Variants in TOX observed in about 807,000 individuals in gnomAD.
TOX encodes the protein thymocyte selection associated high mobility group box, also known as thymocyte selection-associated high mobility group box protein TOX.
A neutral mutation model predicts 53.7 loss-of-function variants in TOX; 11 were observed. The observed-to-expected ratio is 0.20, with a 90% CI of 0.13 to 0.34. The LOEUF is 0.34. Ranked by LOEUF, TOX falls within the 10% of genes least tolerant of loss-of-function variation. The probability of loss-of-function intolerance (pLI) is 1.00; values close to 1 mark genes in which losing one functional copy is unlikely to be tolerated. For missense variants in TOX, 570 were observed against 664.6 expected, an observed-to-expected ratio of 0.86 and a Z score of 1.56; for synonymous variants, 225 against 245.3, an observed-to-expected ratio of 0.92 and a Z score of 0.77.
chr8:58,995,853 A>G (rs759012658), intron 1 of TOX, among the ~76,000 whole-genome samples: 6 of 152,190 alleles, frequency 3.9e-5, no homozygotes, highest in Non-Finnish European at 8.8e-5. Context: ...ACTTTGTGCC[A>G]TTTCAAAACT....
chr8:59,019,211 G>A (rs1269247168), intron 1 of TOX, among the ~76,000 whole-genome samples: 6 of 152,128 alleles, frequency 3.9e-5, no homozygotes, highest in Admixed American at 3.3e-4. Flanking sequence ...CTAAAATTGA[G>A]GGATAATTAC....
intron 2 of TOX, among the ~76,000 whole-genome samples, chr8:58,955,621 C>T (rs961303529): frequency 2.0e-5 from 3 of 151,948 alleles, no homozygotes; most frequent in African/African-American, 4.8e-5. Context: ...CCTTCTTTAT[C>T]TTTTCATACA....
At chr8:58,991,172 A>G (rs916622887) in intron 1 of TOX, among the ~76,000 whole-genome samples, 9 of 152,332 alleles carry the variant, frequency 5.9e-5, no homozygotes, top group African/African-American at 2.2e-4. Flanking sequence ...TGGGTAAACA[A>G]CCAGAAAAAT....
intron 3 of TOX, among the ~76,000 whole-genome samples, chr8:58,896,348 G>A (rs1430098201): frequency 6.6e-6 from 1 of 152,086 alleles, no homozygotes; most frequent in Non-Finnish European, 1.5e-5. Context: ...CATTCCTTGA[G>A]CTGGCCATCA....
chr8:58,919,000 G>T (rs1812026979), intron 3 of TOX, among the ~76,000 whole-genome samples: 1 of 147,214 alleles, frequency 6.8e-6, no homozygotes, highest in Admixed American at 6.7e-5. Context: ...ACTTACAAGG[G>T]ATGTGAAGGA....
chr8:58,822,226 A>C (rs1365855622), intron 6 of TOX, among the ~76,000 whole-genome samples: 1 of 152,240 alleles, frequency 6.6e-6, no homozygotes, highest in Non-Finnish European at 1.5e-5. Flanking sequence ...ATGAATAATC[A>C]CCACCCTATG....
intron 1 of TOX, among the ~76,000 whole-genome samples, chr8:58,982,877 A>G (rs1813229986): frequency 1.3e-5 from 2 of 152,298 alleles, no homozygotes; most frequent in South Asian, 4.1e-4. Flanking sequence ...GCTTTCTGAC[A>G]TCTGCTGTCT....
At chr8:59,068,465 G>A (rs1321926074) in intron 1 of TOX, among the ~76,000 whole-genome samples, 5 of 147,508 alleles carry the variant, frequency 3.4e-5, no homozygotes, top group African/African-American at 5.0e-5. Context: ...AGAAAGAAGA[G>A]AAAAAGGAAA....
At chr8:58,952,097 T>A (rs1812631350) in intron 2 of TOX, among the ~76,000 whole-genome samples, 1 of 152,158 alleles carries the variant, frequency 6.6e-6, no homozygotes, top group Non-Finnish European at 1.5e-5. Context: ...GGCACTTTTT[T>A]AAAGGTGTTT....
In TOX at chr8:59,118,781, G is replaced by C; in HGVS notation, c.102+105C>G. On this transcript the variant is annotated intron_variant, in intron 1 of 8. Transcript: ENST00000361421. This position sits in a 1 kb window ranked among gnomAD's most constrained non-coding sequence, Gnocchi z 4.1. Reference sequence around the variant, plus strand: ...AGCGGGCTGCGAGCCGAGCGCGCCCGGGACCGGCCTCCGCCAAGCCGGCCC... The same window carrying C: ...AGCGGGCTGCGAGCCGAGCGCGCCCCGGACCGGCCTCCGCCAAGCCGGCCC... 1 of 731,714 alleles carries C rather than the reference G, an allele frequency of 1.4e-6. No individual in the cohort carries two copies. Among genetic ancestry groups the C allele is most frequent in the South Asian group, 2.4e-5 (1 of 41,182 alleles). 45.3% of individuals were successfully genotyped at this position (731,714 alleles called of 1,614,324 possible).
chr8:59,106,881 TA>T (rs980717308), intron 1 of TOX, among the ~76,000 whole-genome samples: 3 of 152,130 alleles, frequency 2.0e-5, no homozygotes, highest in African/African-American at 7.2e-5. Context: ...GGCCTTTCAT[TA>T]AAAATGAAAA....
chr8:59,020,841 A>G (rs1286130843), intron 1 of TOX, among the ~76,000 whole-genome samples: 9 of 152,208 alleles, frequency 5.9e-5, no homozygotes, highest in Admixed American at 3.9e-4. Flanking sequence ...TTGTATCTAT[A>G]GAATATAGTT....
chr8:58,884,090 G>C (rs941778915), intron 3 of TOX, among the ~76,000 whole-genome samples: 4 of 152,100 alleles, frequency 2.6e-5, no homozygotes, highest in African/African-American at 9.7e-5. Context: ...CAAGCAGAAA[G>C]AAAGAAAACA....
At chr8:58,960,128 C>A in intron 1 of TOX, 120 bp from the exon 2 acceptor site, 2 of 1,040,778 alleles carry the variant, frequency 1.9e-6, no homozygotes, top group South Asian at 2.8e-5. Flanking sequence ...AAAAATACTG[C>A]GGCTGGGACT....
chr8:58,940,128 G>A (rs17233116), intron 2 of TOX, among the ~76,000 whole-genome samples: 6 of 152,042 alleles, frequency 3.9e-5, no homozygotes, highest in Admixed American at 2.0e-4. Context: ...TATTTTTATC[G>A]CAAAGATCTT....
At chr8:58,923,898 C>A (rs921548984) in intron 3 of TOX, among the ~76,000 whole-genome samples, 2 of 152,120 alleles carry the variant, frequency 1.3e-5, no homozygotes, top group African/African-American at 2.4e-5. Flanking sequence ...AGAGTAGACA[C>A]CCAACGGCCT....
At chr8:59,070,220 A>C in intron 1 of TOX, among the ~76,000 whole-genome samples, 1 of 152,184 alleles carries the variant, frequency 6.6e-6, no homozygotes, top group South Asian at 2.1e-4. Flanking sequence ...AAAAAGTTTA[A>C]GTTTAAATGG....
chr8:58,886,439 C>T (rs10105293), intron 3 of TOX, among the ~76,000 whole-genome samples: 45,352 of 151,880 alleles, frequency 0.3, 8,088 homozygotes, highest in Non-Finnish European at 0.4. Flanking sequence ...TGAGACACAA[C>T]CAGGGCTACA....
At chr8:58,902,276 C>T (rs1175902486) in intron 3 of TOX, among the ~76,000 whole-genome samples, 1 of 152,090 alleles carries the variant, frequency 6.6e-6, no homozygotes, top group Non-Finnish European at 1.5e-5. Context: ...TACTGGTCAC[C>T]ATCAATTTCT....
Sources: allele counts gnomAD v4.1 joint callset (sites outside exome capture counted in the v4.1 genomes callset), GRCh38; gene constraint gnomAD v4.1.1; non-coding constraint Gnocchi (gnomAD v3.1); transcripts MANE v1.5; gene names NCBI Gene and HGNC (gene_info 2026-07-23, HGNC 2026-07-21).